LRRC20: variants seen among roughly 807,000 people sequenced by gnomAD.
LRRC20 encodes the protein leucine rich repeat containing 20.
A neutral mutation model predicts 14.4 loss-of-function variants in LRRC20; 11 were observed. The ratio of observed to expected loss-of-function variants is 0.77; its 90% CI spans 0.48 to 1.27. The LOEUF (loss-of-function observed/expected upper bound fraction) is 1.27. LRRC20 is among the 50% of genes most tolerant of loss of function. The probability of loss-of-function intolerance (pLI) is 0.00; values close to 1 mark genes in which losing one functional copy is unlikely to be tolerated. For missense variants in LRRC20, 219 were observed against 251.2 expected (o/e 0.87, Z 0.87); for synonymous variants, 121 against 107.3 (o/e 1.13, Z -0.79).
intron 4 of LRRC20, among the ~76,000 whole-genome samples, chr10:70,304,158 G>A (rs1389995343): frequency 6.6e-6 from 1 of 152,012 alleles, no homozygotes; most frequent in East Asian, 1.9e-4. Flanking sequence ...CGTGCCCTGT[G>A]CAAGCTGAGG....
At chr10:70,322,049 C>T (rs576654405) in intron 4 of LRRC20, among the ~76,000 whole-genome samples, 24 of 152,356 alleles carry the variant, frequency 1.6e-4, no homozygotes, top group African/African-American at 5.3e-4. Context: ...CTGGGCCACC[C>T]TTGCTGCCCA....
chr10:70,376,688 G>A, intron 1 of LRRC20, 92 bp from the exon 2 acceptor site: 1 of 683,858 alleles, frequency 1.5e-6, no homozygotes, highest in East Asian at 2.7e-5. Flanking sequence ...CCAGGACCCA[G>A]GCTGTCAGGA....
intron 3 of LRRC20, among the ~76,000 whole-genome samples, chr10:70,331,889 T>A (rs1321460987): frequency 6.6e-6 from 1 of 152,176 alleles, no homozygotes; most frequent in African/African-American, 2.4e-5. Context: ...TCCTGTACCA[T>A]CCTTATCTTG....
intron 1 of LRRC20, among the ~76,000 whole-genome samples, chr10:70,377,771 G>C (rs1844563436): frequency 6.6e-6 from 1 of 152,208 alleles, no homozygotes; most frequent in African/African-American, 2.4e-5. Flanking sequence ...GCAAGGCCAA[G>C]CCAGGGCTGG....
intron 2 of LRRC20, among the ~76,000 whole-genome samples, chr10:70,353,843 G>A (rs1241476456): frequency 6.6e-6 from 1 of 152,180 alleles, no homozygotes; most frequent in Non-Finnish European, 1.5e-5. Context: ...CAGATTGGGA[G>A]GTGGTGGGTT....
intron 2 of LRRC20, among the ~76,000 whole-genome samples, chr10:70,347,665 CAA>C (rs1285908881): frequency 5.3e-5 from 8 of 151,830 alleles, no homozygotes; most frequent in African/African-American, 1.9e-4. Context: ...ACTAAAAATA[CAA>C]AAATCTGCCG....
intron 4 of LRRC20, among the ~76,000 whole-genome samples, chr10:70,315,141 G>C (rs752234822): frequency 6.6e-5 from 10 of 152,174 alleles, no homozygotes; most frequent in Non-Finnish European, 1.2e-4. Flanking sequence ...TCCTTGAAAA[G>C]TGCTTAGAGA....
Position 70,300,755 on chromosome 10 carries a change from A to G in LRRC20, c.*599T>C, listed in dbSNP as rs1841143135. 1.0e-6 allele frequency: 1 copy of G among 985,690 alleles called. No homozygotes were observed. The highest frequency in any genetic ancestry group is 1.7e-5 in the African/African-American group (1 of 57,340). 61.1% of individuals were successfully genotyped at this position (985,690 alleles called of 1,614,324 possible). ...TCTTGCCCTGCAGCAGTGCCAGCCC[A>G]TATTCCCACCACAGCTCTCCCAGGA... On this transcript the variant is annotated 3_prime_UTR_variant, in exon 5 of 5. Transcript: ENST00000446961.
intron 3 of LRRC20, among the ~76,000 whole-genome samples, chr10:70,328,649 G>A (rs1272795653): frequency 9.2e-5 from 14 of 152,218 alleles, no homozygotes; most frequent in Non-Finnish European, 1.5e-5. Context: ...CAGGCGCAGT[G>A]GCTCATGCCT....
chr10:70,340,013 T>C (rs1181628475), intron 3 of LRRC20, among the ~76,000 whole-genome samples: 1 of 150,496 alleles, frequency 6.6e-6, no homozygotes, highest in Non-Finnish European at 1.5e-5. Flanking sequence ...CCCAGCTACT[T>C]GGGAGGCTGA....
At chr10:70,305,802 G>A (rs370325437) in intron 4 of LRRC20, among the ~76,000 whole-genome samples, 53 of 150,464 alleles carry the variant, frequency 3.5e-4, no homozygotes, top group African/African-American at 1.2e-3. Context: ...GTGCAGTGGC[G>A]TGATCTCGGC....
chr10:70,373,213 C>T (rs1844378944), intron 2 of LRRC20, among the ~76,000 whole-genome samples: 1 of 150,898 alleles, frequency 6.6e-6, no homozygotes, highest in Non-Finnish European at 1.5e-5. Flanking sequence ...ACATGAGAAC[C>T]ATATAGAGTT....
At chr10:70,375,050 A>G (rs1241590600) in intron 2 of LRRC20, among the ~76,000 whole-genome samples, 8 of 152,126 alleles carry the variant, frequency 5.3e-5, no homozygotes, top group Non-Finnish European at 1.2e-4. Flanking sequence ...CTCAAAGCCT[A>G]GCTCTGAACC....
chr10:70,376,675 C>T (rs893378592), intron 1 of LRRC20, 79 bp from the exon 2 acceptor site: 3 of 729,414 alleles, frequency 4.1e-6, no homozygotes, highest in Non-Finnish European at 6.9e-6. Context: ...GCATCCTTCT[C>T]CCCCAGGACC....
chr10:70,353,013 G>A (rs768267998), intron 2 of LRRC20, among the ~76,000 whole-genome samples: 2 of 152,108 alleles, frequency 1.3e-5, no homozygotes, highest in Non-Finnish European at 2.9e-5. Context: ...GCTCCCGTGA[G>A]AGGAGCAGGA....
chr10:70,375,408 G>A (rs112625364), intron 2 of LRRC20, among the ~76,000 whole-genome samples: 284 of 152,274 alleles, frequency 1.9e-3, no homozygotes, highest in African/African-American at 6.6e-3. Context: ...GAGGGAAGGC[G>A]GAGGGCTTCC....
intron 3 of LRRC20, among the ~76,000 whole-genome samples, chr10:70,334,229 T>C (rs1157119315): frequency 6.6e-6 from 1 of 152,180 alleles, no homozygotes; most frequent in Non-Finnish European, 1.5e-5. Flanking sequence ...AAGCATCCCA[T>C]TGACCGCACA....
chr10:70,377,557 C>T (rs1844554851), intron 1 of LRRC20, among the ~76,000 whole-genome samples: 2 of 152,136 alleles, frequency 1.3e-5, no homozygotes, highest in South Asian at 4.1e-4. Flanking sequence ...GAGGAATGAG[C>T]TCAAGTCCAA....
chr10:70,319,563 C>G (rs1270941142), intron 4 of LRRC20, among the ~76,000 whole-genome samples: 1 of 152,192 alleles, frequency 6.6e-6, no homozygotes. Context: ...CATGGCACAT[C>G]TGCCCTCCCC....
Sources: allele counts gnomAD v4.1 joint callset (sites outside exome capture counted in the v4.1 genomes callset), GRCh38; gene constraint gnomAD v4.1.1; transcripts MANE v1.5; gene names NCBI Gene and HGNC (gene_info 2026-07-23, HGNC 2026-07-21).